Variants in RALYL observed in about 807,000 individuals in gnomAD.
RALYL encodes RALY RNA binding protein like.
RALYL carries 29 observed loss-of-function variants against 35.1 expected under a neutral mutation model. The observed-to-expected ratio is 0.83, with a 90% CI of 0.61 to 1.13. The LOEUF (loss-of-function observed/expected upper bound fraction) is 1.13. Among genes scored for constraint, RALYL ranks in the 50% most tolerant of loss-of-function variants. The pLI is 0.00. For synonymous variants in RALYL, 120 were observed against 127.6 expected (o/e 0.94, Z 0.40); for missense variants, 359 against 360.4 (o/e 1.00, Z 0.03).
chr8:84,191,581 C>T (rs1813888252), intron 1 of RALYL, among the ~76,000 whole-genome samples: 1 of 152,106 alleles, frequency 6.6e-6, no homozygotes, highest in Admixed American at 6.5e-5. Flanking sequence ...CCTGGGACAA[C>T]TCACTGCAGA....
At chr8:84,679,710 C>A in intron 2 of RALYL, 1 of 517,490 alleles carries the variant, frequency 1.9e-6, no homozygotes, top group East Asian at 5.7e-5. Context: ...GGCTTTGACC[C>A]TCAAGGCAAT....
chr8:84,522,187 G>T (rs1404221336), intron 1 of RALYL, among the ~76,000 whole-genome samples: 1 of 151,556 alleles, frequency 6.6e-6, no homozygotes, highest in Non-Finnish European at 1.5e-5. Context: ...TCTATTTTCA[G>T]CGGGTTCTTA....
intron 2 of RALYL, among the ~76,000 whole-genome samples, chr8:84,534,669 G>A (rs1232882127): frequency 6.6e-6 from 1 of 152,110 alleles, no homozygotes; most frequent in Non-Finnish European, 1.5e-5. Context: ...AGCACCACAG[G>A]AAGAAGACAA....
chr8:84,713,095 T>A (rs970279715), intron 2 of RALYL, among the ~76,000 whole-genome samples: 1 of 152,106 alleles, frequency 6.6e-6, no homozygotes, highest in Non-Finnish European at 1.5e-5. Context: ...TACTTGTAGG[T>A]CTCATATTTA....
intron 1 of RALYL, among the ~76,000 whole-genome samples, chr8:84,511,902 A>G (rs796991721): frequency 6.6e-6 from 1 of 152,248 alleles, no homozygotes; most frequent in African/African-American, 2.4e-5. Context: ...ATAGTATTCC[A>G]TTGCGTATGT....
chr8:84,540,146 A>G (rs981220550), intron 2 of RALYL, among the ~76,000 whole-genome samples: 3 of 151,752 alleles, frequency 2.0e-5, no homozygotes, highest in African/African-American at 7.3e-5. Context: ...GTGTACAACA[A>G]TGTCTCTTGC....
intron 2 of RALYL, among the ~76,000 whole-genome samples, chr8:84,619,508 C>T (rs1396808421): frequency 3.4e-4 from 50 of 146,596 alleles, no homozygotes; most frequent in Non-Finnish European, 6.4e-4. Flanking sequence ...AGATGGGTTT[C>T]CTGAATACAG....
At chr8:84,444,147 A>G (rs1391511947) in intron 1 of RALYL, among the ~76,000 whole-genome samples, 1 of 152,096 alleles carries the variant, frequency 6.6e-6, no homozygotes, top group Non-Finnish European at 1.5e-5. Flanking sequence ...TGGGCAACAT[A>G]GTGAGACTCC....
chr8:84,597,169 G>T (rs1355471459), intron 2 of RALYL, among the ~76,000 whole-genome samples: 1 of 152,116 alleles, frequency 6.6e-6, no homozygotes, highest in African/African-American at 2.4e-5. Context: ...TTTTTCTAAA[G>T]TAATGAAACA....
chr8:84,826,889 A>G (rs1174066870), intron 4 of RALYL, among the ~76,000 whole-genome samples: 1 of 152,136 alleles, frequency 6.6e-6, no homozygotes, highest in South Asian at 2.1e-4. Context: ...ATACTCTAAC[A>G]TGGAAGAAAA....
chr8:84,726,140 T>C (rs1190921606), intron 2 of RALYL, among the ~76,000 whole-genome samples: 1 of 150,290 alleles, frequency 6.7e-6, no homozygotes, highest in Non-Finnish European at 1.5e-5. Flanking sequence ...TTTTGAATAA[T>C]TGCATTTATA....
At chr8:84,525,812 G>GATT (rs1407690999) in intron 1 of RALYL, among the ~76,000 whole-genome samples, 1 of 151,828 alleles carries the variant, frequency 6.6e-6, no homozygotes, top group Non-Finnish European at 1.5e-5. Context: ...AGTCCCATTT[G>GATT]ATTCATTTTT....
chr8:84,400,899 G>A (rs2042824757), intron 1 of RALYL, among the ~76,000 whole-genome samples: 1 of 152,134 alleles, frequency 6.6e-6, no homozygotes, highest in South Asian at 2.1e-4. Context: ...AATACATTTT[G>A]TTATGAATGA....
chr8:84,444,720 C>T (rs2048687441), intron 1 of RALYL, among the ~76,000 whole-genome samples: 1 of 151,998 alleles, frequency 6.6e-6, no homozygotes, highest in Non-Finnish European at 1.5e-5. Flanking sequence ...ATGCAAAAAA[C>T]AATAGGAATG....
At chr8:84,790,739 G>A (rs1820577709) in intron 3 of RALYL, among the ~76,000 whole-genome samples, 2 of 152,170 alleles carry the variant, frequency 1.3e-5, no homozygotes, top group African/African-American at 4.8e-5. Flanking sequence ...TTACATTGTG[G>A]AAGAAGATTC....
intron 1 of RALYL, among the ~76,000 whole-genome samples, chr8:84,447,778 G>T (rs765242736): frequency 2.1e-4 from 32 of 151,930 alleles, no homozygotes; most frequent in Non-Finnish European, 4.1e-4. Flanking sequence ...ACTTTATTTG[G>T]GTATATTAGT....
At chr8:84,505,454 A>G (rs2057084729) in intron 1 of RALYL, among the ~76,000 whole-genome samples, 1 of 151,794 alleles carries the variant, frequency 6.6e-6, no homozygotes, top group Admixed American at 6.6e-5. Flanking sequence ...TTATTTACCA[A>G]CAATAAATTG....
intron 1 of RALYL, among the ~76,000 whole-genome samples, chr8:84,249,999 T>A (rs1359456543): frequency 6.6e-6 from 1 of 151,966 alleles, no homozygotes; most frequent in Admixed American, 6.6e-5. Flanking sequence ...TATAAAAATA[T>A]TGGTATGGGA....
At chr8:84,359,573 A>T (rs996783660) in intron 1 of RALYL, among the ~76,000 whole-genome samples, 3 of 152,092 alleles carry the variant, frequency 2.0e-5, no homozygotes. Flanking sequence ...TTCTTTGTCT[A>T]ATCACTTTGA....
Sources: allele counts gnomAD v4.1 joint callset (sites outside exome capture counted in the v4.1 genomes callset), GRCh38; gene constraint gnomAD v4.1.1; transcripts MANE v1.5; gene names NCBI Gene and HGNC (gene_info 2026-07-23, HGNC 2026-07-21).